The following DNAH8 variants were observed in gnomAD, a reference collection of about 807,000 sequenced individuals.
DNAH8 encodes dynein axonemal heavy chain 8, also known as axonemal beta dynein heavy chain 8.
A neutral mutation model predicts 562.1 loss-of-function variants in DNAH8; 382 were observed. That is an observed-to-expected ratio of 0.68 (90% CI 0.63 to 0.74). The LOEUF (loss-of-function observed/expected upper bound fraction) is 0.74, where lower values mean the gene tolerates loss of function less well. Among genes scored for constraint, DNAH8 ranks in the 30% least tolerant of loss-of-function variants. DNAH8 has a pLI of 0.00. For missense variants in DNAH8, 5,203 were observed against 5,620.4 expected (o/e 0.93, Z 2.37); for synonymous variants, 1,881 against 1,919.4 (o/e 0.98, Z 0.52).
At chr6:38,717,681 T>C (rs897359914) in intron 1 of DNAH8, among the ~76,000 whole-genome samples, 1 of 151,376 alleles carries the variant, frequency 6.6e-6, no homozygotes, top group African/African-American at 2.4e-5. Context: ...AATTGGAAAG[T>C]AAAAATTCTT....
chr6:38,759,901 G>A (rs1440027418), intron 10 of DNAH8, among the ~76,000 whole-genome samples: 1 of 152,124 alleles, frequency 6.6e-6, no homozygotes, highest in Non-Finnish European at 1.5e-5. Flanking sequence ...TGTGTTCAGA[G>A]TTGAGCCCAA....
chr6:38,905,021 A>C (rs1028032427), intron 62 of DNAH8, among the ~76,000 whole-genome samples: 1 of 152,188 alleles, frequency 6.6e-6, no homozygotes, highest in African/African-American at 2.4e-5. Context: ...TTGCAAAAGC[A>C]ATACATCACA....
At chr6:39,016,122 G>A (rs1420230976) in intron 91 of DNAH8, among the ~76,000 whole-genome samples, 1 of 152,182 alleles carries the variant, frequency 6.6e-6, no homozygotes, top group African/African-American at 2.4e-5. Context: ...AGCCTCGCTG[G>A]ACACTATTTG....
chr6:38,781,311 G>A lies in DNAH8; in HGVS notation c.2197G>A (p.Gly733Arg), dbSNP rs1768579717. ...PLARNMPPIA[G>R]KILWVRQLYR... Reference sequence around the variant, plus strand: ...TGCTCGCAACATGCCCCCTATAGCAGGAAAAATACTCTGGGTGAGGCAGCT... The same window carrying A: ...TGCTCGCAACATGCCCCCTATAGCAAGAAAAATACTCTGGGTGAGGCAGCT... Residue 733 changes from glycine to arginine, a missense_variant, in exon 16 of 93, where the codon GGA becomes AGA. Coordinates refer to ENST00000327475, the MANE Select transcript of DNAH8 (RefSeq NM_001206927.2). 1.2e-6 allele frequency: 2 copies of A among 1,613,772 alleles called. No homozygotes were observed. The highest frequency in any genetic ancestry group is 1.7e-6 in the Non-Finnish European group (2 of 1,179,900).
chr6:38,823,214 T>C (rs946489956), intron 27 of DNAH8, among the ~76,000 whole-genome samples, 180 bp downstream of exon 27: 7 of 152,176 alleles, frequency 4.6e-5, no homozygotes, highest in African/African-American at 1.7e-4. Flanking sequence ...ACTGAGGCAA[T>C]TGATATTACT....
intron 70 of DNAH8, among the ~76,000 whole-genome samples, chr6:38,919,925 G>A (rs1048166160): frequency 5.3e-5 from 8 of 152,016 alleles, no homozygotes; most frequent in Admixed American, 2.0e-4. Flanking sequence ...TCGGAATAGA[G>A]CCAATAAAAA....
At chr6:38,758,101 C>G (rs1444967089) in intron 10 of DNAH8, among the ~76,000 whole-genome samples, 2 of 152,202 alleles carry the variant, frequency 1.3e-5, no homozygotes, top group East Asian at 1.9e-4. Flanking sequence ...GGCACTGAAT[C>G]TATAAATTAC....
Position 38,852,803 on chromosome 6 carries a change from T to A in DNAH8, c.5571+5T>A, listed in dbSNP as rs1041026860. On this transcript the variant is annotated splice_donor_5th_base_variant and intron_variant, in intron 40 of 92. Transcript: ENST00000327475. Reference sequence around the variant, plus strand: ...AGAGAAGGAGAAAAAATTGTTGTAATTTACCTTGCTTTAAATTTTTTTATT... The same window carrying A: ...AGAGAAGGAGAAAAAATTGTTGTAAATTACCTTGCTTTAAATTTTTTTATT... The A allele has an allele frequency of 6.3e-7, 1 of 1,596,592 alleles. No homozygotes were observed. The highest frequency in any genetic ancestry group is 1.3e-5 in the African/African-American group (1 of 74,126).
At chr6:38,735,143 G>A (rs1763984005) in intron 5 of DNAH8, among the ~76,000 whole-genome samples, 2 of 152,104 alleles carry the variant, frequency 1.3e-5, no homozygotes, top group Admixed American at 6.6e-5. Flanking sequence ...AGATCTCTAC[G>A]TTCTTAAATT....
chr6:38,739,235 A>G (rs1184244401), intron 7 of DNAH8, among the ~76,000 whole-genome samples: 2 of 152,172 alleles, frequency 1.3e-5, no homozygotes, highest in Non-Finnish European at 2.9e-5. Context: ...TTCATTTGGT[A>G]TAGTGCCTTT....
chr6:39,014,036 T>G (rs140540407), intron 91 of DNAH8, among the ~76,000 whole-genome samples: 1 of 152,334 alleles, frequency 6.6e-6, no homozygotes, highest in African/African-American at 2.4e-5. Context: ...AAAGCATACT[T>G]TGATCAATAT....
In DNAH8 at chr6:38,848,922, A is replaced by G; in HGVS notation, c.5199+121A>G. On this transcript the variant is annotated intron_variant, in intron 37 of 92. Coordinates refer to ENST00000327475, the MANE Select transcript of DNAH8 (RefSeq NM_001206927.2). ...TGACTATGATGGGGTTTGGCAAACT[A>G]TGGCCCACTTGCCTGTTTTTGTAAA... 4 of 865,764 alleles carry G rather than the reference A, an allele frequency of 4.6e-6. No homozygotes were observed. The South Asian group carries it at 5.2e-5, about 11-fold the overall frequency. The allele number at this position is 865,764 out of a possible 1,614,324, so 53.6% of individuals were successfully genotyped here.
intron 8 of DNAH8, among the ~76,000 whole-genome samples, chr6:38,744,793 T>C (rs908516477): frequency 4.6e-5 from 7 of 152,182 alleles, no homozygotes; most frequent in Admixed American, 3.3e-4. Context: ...AGATAGGATC[T>C]TACTGTGTTG....
chr6:38,847,585 T>C (rs1233463589), intron 36 of DNAH8, among the ~76,000 whole-genome samples: 7 of 152,080 alleles, frequency 4.6e-5, no homozygotes, highest in Non-Finnish European at 1.5e-5. Flanking sequence ...ACATAGGCTT[T>C]CAGGGAAATT....
intron 92 of DNAH8, among the ~76,000 whole-genome samples, chr6:39,028,906 A>G (rs1177444388): frequency 1.3e-5 from 2 of 151,762 alleles, no homozygotes; most frequent in African/African-American, 2.4e-5. Flanking sequence ...GAGCCCCCAC[A>G]GGGGGATTCC....
At chr6:38,896,598 C>CA (rs1177942196) in intron 60 of DNAH8, among the ~76,000 whole-genome samples, 46 of 143,266 alleles carry the variant, frequency 3.2e-4, no homozygotes, top group South Asian at 1.7e-3. Context: ...AACAAACAAA[C>CA]AAACAAACAA....
chr6:38,836,373 G>A (rs537366511), intron 32 of DNAH8, among the ~76,000 whole-genome samples: 1 of 151,862 alleles, frequency 6.6e-6, no homozygotes, highest in Non-Finnish European at 1.5e-5. Context: ...CTTGAACCTG[G>A]GAGGCGAAGG....
In DNAH8 at chr6:38,727,221, G is replaced by A. The variant is rs554641774; in HGVS notation, c.526-2681G>A. On this transcript the variant is annotated intron_variant, in intron 3 of 92. Coordinates refer to ENST00000327475, the MANE Select transcript of DNAH8 (RefSeq NM_001206927.2). ...TCCAGGATGAAAGCAGCTCAGTAAA[G>A]GCACCACAAAAAAGTGGACAACAGA... Among the ~76,000 whole-genome samples the A allele has an allele frequency of 2.5e-3, 385 of 152,208 alleles. 4 individuals are homozygous for A. Among genetic ancestry groups the A allele is most frequent in the African/African-American group, 9.0e-3 (374 of 41,538 alleles).
In DNAH8 at chr6:38,871,670, C is replaced by T. The variant is rs148161270; in HGVS notation, c.6991-866C>T. Among the ~76,000 whole-genome samples, 203 of 152,204 alleles carry T rather than the reference C, an allele frequency of 1.3e-3. 1 individual carries two copies. Among genetic ancestry groups the T allele is most frequent in the African/African-American group, 4.7e-3 (196 of 41,520 alleles). On this transcript the variant is annotated intron_variant, in intron 49 of 92. Coordinates refer to ENST00000327475, the MANE Select transcript of DNAH8 (RefSeq NM_001206927.2). ...AACTGCAGACGGGATGTTATAGCAG[C>T]GGCTGTCCATGATCCTAGCATGTCT...
Sources: gnomAD v4.1 joint callset for allele counts (sites outside exome capture counted in the v4.1 genomes callset) on GRCh38, gnomAD v4.1.1 for gene constraint, MANE v1.5 for transcripts, NCBI Gene and HGNC (gene_info 2026-07-23, HGNC 2026-07-21) for gene names.